The following MIPOL1 variants were observed in gnomAD, a reference collection of about 807,000 sequenced individuals.
The protein encoded by MIPOL1 is mirror-image polydactyly 1.
A neutral mutation model predicts 60.9 loss-of-function variants in MIPOL1; 57 were observed. That is an observed-to-expected ratio of 0.94 (90% CI 0.76 to 1.17). The LOEUF is 1.17. Ranked by LOEUF, MIPOL1 falls within the 50% of genes most tolerant of loss-of-function variation. The probability of loss-of-function intolerance (pLI) is 0.00; values close to 1 mark genes in which losing one functional copy is unlikely to be tolerated. For synonymous variants in MIPOL1, 179 were observed against 168.8 expected, an observed-to-expected ratio of 1.06 and a Z score of -0.47; for missense variants, 551 against 511.6, an observed-to-expected ratio of 1.08 and a Z score of -0.74.
chr14:37,299,227 CAT>C (rs1380894441), intron 7 of MIPOL1, among the ~76,000 whole-genome samples: 4 of 149,286 alleles, frequency 2.7e-5, no homozygotes, highest in Non-Finnish European at 5.9e-5. Context: ...TGTTCTCACT[CAT>C]AGGTGAGAAT....
intron 11 of MIPOL1, among the ~76,000 whole-genome samples, chr14:37,489,569 C>A (rs1212466205): frequency 1.3e-5 from 2 of 152,188 alleles, no homozygotes; most frequent in African/African-American, 4.8e-5. Flanking sequence ...GCTGGTTTCT[C>A]CCCATCTTCA....
chr14:37,418,931 C>CTA (rs1386944252), intron 10 of MIPOL1, among the ~76,000 whole-genome samples: 36 of 151,974 alleles, frequency 2.4e-4, no homozygotes, highest in Middle Eastern at 6.8e-3. Flanking sequence ...CTTTATATAG[C>CTA]TATATATATC....
intron 10 of MIPOL1, among the ~76,000 whole-genome samples, chr14:37,410,554 C>A (rs1420358513): frequency 2.0e-5 from 3 of 151,948 alleles, no homozygotes; most frequent in Admixed American, 6.6e-5. Flanking sequence ...TAAGGAACCT[C>A]CCAACCAGGA....
At position 37,267,059 on chromosome 14, in the gene MIPOL1, T is replaced by C. The variant is rs1419333943; in HGVS notation, c.141T>C (p.Asn47=). ...ATCGGAAATCCACTGAATTAGTTAA[T>C]GAAATAACATGTGAGAACACAGAAT... The part of the protein sequence containing the change: ...SMHRKSTELV[N]EITCENTEWP... The change falls in exon 4 of 13, where the codon AAT becomes AAC. Residue 47 remains asparagine, a synonymous_variant. Coordinates refer to ENST00000684589, the MANE Select transcript of MIPOL1 (RefSeq NM_001388067.1). 6.2e-7 allele frequency: 1 copy of C among 1,613,950 alleles called. No individual in the cohort carries two copies. Among genetic ancestry groups the C allele is most frequent in the Non-Finnish European group, 8.5e-7 (1 of 1,179,938 alleles).
At position 37,426,590 on chromosome 14, in the gene MIPOL1, T is replaced by TATATATATATATAC. The variant is rs1220983589; in HGVS notation, c.1031+3646_1031+3647insTATATATACATATA. 5.1e-4 allele frequency among the ~76,000 whole-genome samples: 71 copies of TATATATATATATAC among 138,528 alleles called. 2 individuals carry two copies. The highest frequency in any genetic ancestry group is 1.2e-3 in the Admixed American group (16 of 13,432). The allele number at this position is 138,528 out of a possible 152,430, so 90.9% of individuals were successfully genotyped here. ...ATATACATATATATATATATATATA[T>TATATATATATATAC]ATATACACACACACATACATATATA... On this transcript the variant is annotated intron_variant, in intron 11 of 12. Transcript: ENST00000684589.
At chr14:37,495,628 TC>T in intron 11 of MIPOL1, among the ~76,000 whole-genome samples, 1 of 134,642 alleles carries the variant, frequency 7.4e-6, no homozygotes, top group South Asian at 2.5e-4. Context: ...TGATTTATAG[TC>T]CTTTGGGTAT....
At chr14:37,441,362 A>G (rs955991571) in intron 11 of MIPOL1, among the ~76,000 whole-genome samples, 1 of 151,988 alleles carries the variant, frequency 6.6e-6, no homozygotes, top group Non-Finnish European at 1.5e-5. Flanking sequence ...GGATTTTTAT[A>G]GTTTTAGGTC....
chr14:37,464,488 C>G (rs919352326), intron 11 of MIPOL1, among the ~76,000 whole-genome samples: 2 of 152,066 alleles, frequency 1.3e-5, no homozygotes, highest in African/African-American at 2.4e-5. Flanking sequence ...AACAGAAAAT[C>G]AATTACTCTG....
chr14:37,307,694 A>G (rs2086904460), intron 7 of MIPOL1, among the ~76,000 whole-genome samples: 1 of 152,170 alleles, frequency 6.6e-6, no homozygotes, highest in East Asian at 1.9e-4. Context: ...GTGTCCAAAA[A>G]AAGAGAGGAA....
Position 37,268,676 on chromosome 14 carries a change from T to G in MIPOL1, c.270T>G (p.His90Gln), listed in dbSNP as rs974192604. ...ATTACAGCGTTATGGAACATAGACA[T>G]AATGATATGCATTATGAATGTATGA... ...TEKYNVMEHRHNDMHYECMTP... is the reference protein window; with the variant it reads ...TEKYNVMEHRQNDMHYECMTP... Residue 90 changes from histidine (H) to glutamine (Q), a missense_variant, in exon 5 of 13, where the codon CAT (histidine) becomes CAG (glutamine). By Grantham distance (24) the His-to-Gln change is conservative. Transcript: ENST00000684589. 2 of 1,595,482 alleles carry G rather than the reference T, an allele frequency of 1.3e-6. No individual in the cohort carries two copies. The highest frequency in any genetic ancestry group is 1.7e-6 in the Non-Finnish European group (2 of 1,171,434).
chr14:37,316,433 G>A (rs2087902325), intron 9 of MIPOL1, among the ~76,000 whole-genome samples: 1 of 152,042 alleles, frequency 6.6e-6, no homozygotes, highest in Non-Finnish European at 1.5e-5. Flanking sequence ...TGAGGGCTTT[G>A]ACAGGAGTTC....
At chr14:37,539,533 CTA>C (rs1403693765) in intron 12 of MIPOL1, among the ~76,000 whole-genome samples, 1 of 152,092 alleles carries the variant, frequency 6.6e-6, no homozygotes, top group African/African-American at 2.4e-5. Context: ...GTATAGGACT[CTA>C]TGTTTTTAAA....
At chr14:37,384,968 C>A (rs2093026628) in intron 10 of MIPOL1, among the ~76,000 whole-genome samples, 1 of 151,950 alleles carries the variant, frequency 6.6e-6, no homozygotes. Flanking sequence ...GATTTCTACT[C>A]CTACTTAGGT....
intron 10 of MIPOL1, among the ~76,000 whole-genome samples, chr14:37,416,257 A>G (rs765097372): frequency 2.6e-5 from 4 of 152,182 alleles, no homozygotes; most frequent in Non-Finnish European, 5.9e-5. Flanking sequence ...TTTACAGGTG[A>G]TCATTGAAAT....
intron 10 of MIPOL1, among the ~76,000 whole-genome samples, chr14:37,407,373 T>C (rs1371883545): frequency 1.3e-5 from 2 of 152,210 alleles, no homozygotes; most frequent in East Asian, 1.9e-4. Flanking sequence ...ATGGTTTTCC[T>C]ACACCATGGA....
intron 9 of MIPOL1, among the ~76,000 whole-genome samples, chr14:37,342,029 C>T (rs970098396): frequency 7.2e-5 from 11 of 152,208 alleles, no homozygotes; most frequent in Admixed American, 7.2e-4. Context: ...GCCTGGTGCA[C>T]ACTTATTTCT....
At chr14:37,331,550 CTTG>C (rs942109417) in intron 9 of MIPOL1, among the ~76,000 whole-genome samples, 1 of 134,530 alleles carries the variant, frequency 7.4e-6, no homozygotes, top group African/African-American at 2.6e-5. Flanking sequence ...GGATTACATT[CTTG>C]TTTTTTTTTT....
intron 5 of MIPOL1, 82 bp downstream of exon 5, chr14:37,268,875 TCA>T: frequency 8.6e-7 from 1 of 1,169,546 alleles, no homozygotes. Context: ...CCATCATAAT[TCA>T]GTTTTATTTT....
chr14:37,359,503 T>G (rs1320416316), intron 9 of MIPOL1, among the ~76,000 whole-genome samples: 1 of 152,208 alleles, frequency 6.6e-6, no homozygotes, highest in African/African-American at 2.4e-5. Flanking sequence ...TCTCTTCTTT[T>G]ATTTCCTTGA....
Sources: gnomAD v4.1 joint callset for allele counts (sites outside exome capture counted in the v4.1 genomes callset) on GRCh38, gnomAD v4.1.1 for gene constraint, MANE v1.5 for transcripts, NCBI Gene and HGNC (gene_info 2026-07-23, HGNC 2026-07-21) for gene names.